CSMD1: variants seen among roughly 807,000 people sequenced by gnomAD.
CSMD1 encodes CUB and Sushi multiple domains 1.
In CSMD1, 213 loss-of-function variants were observed where a neutral mutation model predicts 417.5. The observed-to-expected ratio is 0.51, with a 90% confidence interval of 0.46 to 0.57. The LOEUF is 0.57. Ranked by LOEUF, CSMD1 falls within the 20% of genes least tolerant of loss-of-function variation. CSMD1 has a pLI of 0.00. For missense variants in CSMD1, 6,923 were observed against 4,529.7 expected, an observed-to-expected ratio of 1.53 and a Z score of -15.17; for synonymous variants, 2,862 against 1,736.8, an observed-to-expected ratio of 1.65 and a Z score of -16.11.
intron 3 of CSMD1, among the ~76,000 whole-genome samples, chr8:4,189,351 G>A (rs7000736): frequency 1.3e-5 from 2 of 152,094 alleles, no homozygotes; most frequent in African/African-American, 4.8e-5. Flanking sequence ...TAGGAATAAT[G>A]ATAATAAATA....
intron 5 of CSMD1, among the ~76,000 whole-genome samples, chr8:3,975,059 T>A (rs1461251008): frequency 6.6e-6 from 1 of 152,198 alleles, no homozygotes; most frequent in Non-Finnish European, 1.5e-5. Flanking sequence ...CTAATATACA[T>A]CTGTACACTG....
chr8:3,771,496 A>C (rs1425730384), intron 5 of CSMD1, among the ~76,000 whole-genome samples: 1 of 152,166 alleles, frequency 6.6e-6, no homozygotes, highest in Non-Finnish European at 1.5e-5. Flanking sequence ...CAAGCTCTCG[A>C]ACACACAACA....
intron 1 of CSMD1, among the ~76,000 whole-genome samples, chr8:4,926,443 C>A (rs1806878934): frequency 6.6e-6 from 1 of 152,138 alleles, no homozygotes; most frequent in African/African-American, 2.4e-5. Context: ...AATACTGGCG[C>A]TTGCATCTAC....
At chr8:3,610,550 G>C (rs539316799) in intron 8 of CSMD1, among the ~76,000 whole-genome samples, 105 of 152,062 alleles carry the variant, frequency 6.9e-4, no homozygotes, top group Admixed American at 2.7e-3. Context: ...TATAATATAG[G>C]TCATGTACAC....
intron 55 of CSMD1, among the ~76,000 whole-genome samples, chr8:2,976,772 A>T (rs141461839): frequency 6.6e-6 from 1 of 152,210 alleles, no homozygotes. Context: ...AAATCTTCAG[A>T]CTATGATCTT....
rs1158953768 is a variant in CSMD1, at chr8:4,433,589, C to G, written c.303-13524G>C. 2.6e-5 allele frequency among the ~76,000 whole-genome samples: 4 copies of G among 152,116 alleles called. No homozygotes were observed. The East Asian group carries it at 7.7e-4, about 29-fold the overall frequency. On this transcript the variant is annotated intron_variant, in intron 2 of 69. Transcript: ENST00000635120. ...CTGCAACAGAGAGATGAAAAGCGCC[C>G]TTAAAATGGGAAACGACAAATTTGA...
intron 2 of CSMD1, among the ~76,000 whole-genome samples, chr8:4,463,236 G>A (rs912793480): frequency 3.3e-5 from 5 of 152,124 alleles, no homozygotes. Flanking sequence ...GACGTACTGA[G>A]ATACCAGTTC....
At chr8:4,659,999 C>T in intron 1 of CSMD1, among the ~76,000 whole-genome samples, 1 of 150,768 alleles carries the variant, frequency 6.6e-6, no homozygotes, top group East Asian at 2.0e-4. Context: ...ATATACTCAA[C>T]TTGTAACTAT....
chr8:4,368,542 G>T (rs1802223095), intron 3 of CSMD1, among the ~76,000 whole-genome samples: 1 of 152,144 alleles, frequency 6.6e-6, no homozygotes, highest in African/African-American at 2.4e-5. Context: ...ATTTTAGTAA[G>T]ATAGGTACTA....
At chr8:4,896,373 T>A (rs1447386381) in intron 1 of CSMD1, among the ~76,000 whole-genome samples, 1 of 152,092 alleles carries the variant, frequency 6.6e-6, no homozygotes, top group Non-Finnish European at 1.5e-5. Context: ...GAGCATTGCT[T>A]TTGCATTTTC....
At chr8:3,567,061 T>G (rs993914910) in intron 10 of CSMD1, among the ~76,000 whole-genome samples, 4 of 152,208 alleles carry the variant, frequency 2.6e-5, no homozygotes, top group African/African-American at 9.7e-5. Context: ...TAAAGAAAAT[T>G]GGTACATGTA....
intron 3 of CSMD1, among the ~76,000 whole-genome samples, chr8:4,314,941 G>C (rs1248660642): frequency 6.6e-6 from 1 of 152,154 alleles, no homozygotes; most frequent in Non-Finnish European, 1.5e-5. Flanking sequence ...GAAAAGTGGG[G>C]TTGACATTCT....
chr8:4,333,355 G>C (rs1447779244), intron 3 of CSMD1, among the ~76,000 whole-genome samples: 3 of 152,132 alleles, frequency 2.0e-5, no homozygotes, highest in African/African-American at 2.4e-5. Context: ...GGCGAGCGCA[G>C]GGTTACTAGC....
At chr8:4,113,902 A>T (rs1585341549) in intron 3 of CSMD1, among the ~76,000 whole-genome samples, 2 of 152,248 alleles carry the variant, frequency 1.3e-5, no homozygotes, top group South Asian at 2.1e-4. Flanking sequence ...GCAGAAGAAA[A>T]CTCCGAAGCC....
rs1173715882 is a variant in CSMD1 at position 4,056,195 on chromosome 8, C to A, written c.416-24096G>T. On this transcript the variant is annotated intron_variant, in intron 3 of 69. Coordinates refer to ENST00000635120, the MANE Select transcript of CSMD1 (RefSeq NM_033225.6). ...CTCTTGGGTTCGAGCAATTCTCTTG[C>A]CTCAGCCTCCCGAGTAGCTGGGATT... Among the ~76,000 whole-genome samples the A allele has an allele frequency of 2.1e-5, 3 of 145,378 alleles. No individual in the cohort carries two copies. In the Admixed American group the frequency reaches 2.2e-4, roughly 10 times the overall value.
chr8:4,445,863 T>C (rs893854917), intron 2 of CSMD1, among the ~76,000 whole-genome samples: 3 of 152,198 alleles, frequency 2.0e-5, no homozygotes, highest in African/African-American at 7.2e-5. Context: ...AGAAGTGTTC[T>C]CCCGCTGGAG....
chr8:4,111,331 A>C (rs6558848), intron 3 of CSMD1, among the ~76,000 whole-genome samples: 25 of 152,170 alleles, frequency 1.6e-4, no homozygotes, highest in Admixed American at 1.6e-3. Context: ...ATCTGCTGTT[A>C]CGAAAAAAGA....
At chr8:4,153,779 G>C (rs754483433) in intron 3 of CSMD1, among the ~76,000 whole-genome samples, 1 of 152,174 alleles carries the variant, frequency 6.6e-6, no homozygotes, top group Non-Finnish European at 1.5e-5. Context: ...CCTTTGTCAG[G>C]GGAAACACAG....
intron 2 of CSMD1, among the ~76,000 whole-genome samples, chr8:4,612,451 C>G (rs1801232619): frequency 6.6e-6 from 1 of 152,170 alleles, no homozygotes; most frequent in African/African-American, 2.4e-5. Context: ...TGCCACCTAC[C>G]TGTGTCCTTC....
Sources: gnomAD v4.1 joint callset for allele counts (sites outside exome capture counted in the v4.1 genomes callset) on GRCh38, gnomAD v4.1.1 for gene constraint, MANE v1.5 for transcripts, NCBI Gene and HGNC (gene_info 2026-07-23, HGNC 2026-07-21) for gene names.